SLC25A12: variants seen among roughly 807,000 people sequenced by gnomAD.
SLC25A12 encodes the protein electrogenic aspartate/glutamate antiporter SLC25A12, mitochondrial.
In SLC25A12, 32 loss-of-function variants were observed where a neutral mutation model predicts 83.3. The observed-to-expected ratio is 0.38, with a 90% CI of 0.29 to 0.52. The LOEUF is 0.52. Ranked by LOEUF, SLC25A12 falls within the 20% of genes least tolerant of loss-of-function variation. SLC25A12 has a pLI of 0.84. For missense variants in SLC25A12, 611 were observed against 835.6 expected (o/e 0.73, Z 3.31); for synonymous variants, 267 against 291.1 (o/e 0.92, Z 0.84).
At chr2:171,892,581 A>G (rs1685965930) in intron 2 of SLC25A12, among the ~76,000 whole-genome samples, 1 of 152,204 alleles carries the variant, frequency 6.6e-6, no homozygotes, top group South Asian at 2.1e-4. Context: ...ATTTAAGAAA[A>G]GAAAGCAAAA....
At chr2:171,815,310 T>G (rs1684029463) in intron 9 of SLC25A12, 108 bp from the exon 10 acceptor site, 2 of 750,120 alleles carry the variant, frequency 2.7e-6, no homozygotes, top group African/African-American at 3.5e-5. Flanking sequence ...CTAAAAGTGA[T>G]ATTGTTAATG....
chr2:171,793,688 G>A lies in SLC25A12; in HGVS notation c.1385C>T (p.Thr462Met), dbSNP rs138477378. 94 of 1,614,134 alleles carry A rather than the reference G, an allele frequency of 5.8e-5. No homozygotes were observed. The highest frequency in any genetic ancestry group is 4.9e-4 in the Middle Eastern group (3 of 6,062). ...IRLQVAGEIT[T>M]GPRVSALNVL... is the part of the protein sequence containing the mutation. ...ATTCAGGGCGCTGACTCTGGGTCCC[G>A]TGGTGATCTCTCCAGCTACTTGCAG... Residue 462 changes from threonine (T) to methionine (M), a missense_variant, in exon 14 of 18, where the codon ACG becomes ATG. Thr to Met is a moderately conservative substitution (Grantham distance 81). Transcript: ENST00000422440.
At chr2:171,866,713 G>T (rs569666323) in intron 3 of SLC25A12, among the ~76,000 whole-genome samples, 1 of 140,302 alleles carries the variant, frequency 7.1e-6, no homozygotes, top group Non-Finnish European at 1.6e-5. Context: ...AGGGGCAGCC[G>T]GGCAGAGGCG....
At chr2:171,822,384 CTATT>C (rs550238919) in intron 9 of SLC25A12, among the ~76,000 whole-genome samples, 27 of 152,068 alleles carry the variant, frequency 1.8e-4, no homozygotes, top group Admixed American at 5.2e-4. Flanking sequence ...ACTGCTATCC[CTATT>C]TATTTATTTA....
chr2:171,844,262 T>G, intron 5 of SLC25A12, 107 bp downstream of exon 5: 1 of 1,212,372 alleles, frequency 8.2e-7, no homozygotes, highest in Non-Finnish European at 1.2e-6. Flanking sequence ...AAAATAGGAG[T>G]GAAATACCAT....
At position 171,785,200 on chromosome 2, in the gene SLC25A12, G is replaced by T; in HGVS notation, c.*74C>A. ...CTCAGTCAGTACCATGCAGCTGACT[G>T]GATACATTACAGGGCTGCTCTCCTA... is the stretch of plus-strand genomic sequence containing the variant. On this transcript the variant is annotated 3_prime_UTR_variant, in exon 18 of 18. Coordinates refer to ENST00000422440, the MANE Select transcript of SLC25A12 (RefSeq NM_003705.5). The T allele has an allele frequency of 7.4e-7, 1 of 1,358,864 alleles. No homozygotes were observed. The allele number at this position is 1,358,864 out of a possible 1,614,324, so 84.2% of individuals were successfully genotyped here.
At chr2:171,805,172 G>A (rs191439414) in intron 13 of SLC25A12, among the ~76,000 whole-genome samples, 2 of 151,082 alleles carry the variant, frequency 1.3e-5, no homozygotes, top group East Asian at 2.0e-4. Context: ...GCAGTGGCAC[G>A]ATCACAGCTC....
At chr2:171,820,504 G>A (rs571429607) in intron 9 of SLC25A12, among the ~76,000 whole-genome samples, 44 of 149,226 alleles carry the variant, frequency 2.9e-4, no homozygotes, top group African/African-American at 9.5e-4. Flanking sequence ...CGAGGCGGGC[G>A]GATCACGAGG....
chr2:171,893,481 C>T (rs529464916), intron 1 of SLC25A12, among the ~76,000 whole-genome samples: 1 of 152,306 alleles, frequency 6.6e-6, no homozygotes, highest in Admixed American at 6.5e-5. Context: ...GCAAAGCTAT[C>T]GGACAGTGCT....
At chr2:171,876,546 G>GGGC (rs1685577293) in intron 2 of SLC25A12, among the ~76,000 whole-genome samples, 1 of 82,980 alleles carries the variant, frequency 1.2e-5, no homozygotes, top group Non-Finnish European at 2.4e-5. Flanking sequence ...TTTTTTTTGG[G>GGGC]GGGGGGGGGA....
chr2:171,829,152 G>A (rs982109622), intron 8 of SLC25A12, among the ~76,000 whole-genome samples: 1 of 152,144 alleles, frequency 6.6e-6, no homozygotes, highest in African/African-American at 2.4e-5. Flanking sequence ...GAAAACATCT[G>A]ATTTTTTTTA....
chr2:171,893,248 G>A lies in SLC25A12; in HGVS notation c.23C>T (p.Thr8Ile). ...TAACTCATGAGGATCCCCTCGCTTA[G>A]TTGTCTGCACCTGTAAGCAAAAAAG... is the stretch of plus-strand genomic sequence containing the variant. MAVKVQT[T>I]KRGDPHELRN... The change falls in exon 2 of 18, where the codon ACT becomes ATT. Residue 8 changes from threonine to isoleucine, a missense_variant. Around this residue, in one of 3 missense-constraint regions of SLC25A12, gnomAD observed 34 missense variants for 23.0 expected, o/e 1.48. Transcript: ENST00000422440. 6.2e-7 allele frequency: 1 copy of A among 1,613,972 alleles called. No individual in the cohort carries two copies. The highest frequency in any genetic ancestry group is 2.2e-5 in the East Asian group (1 of 44,870).
intron 15 of SLC25A12, chr2:171,788,875 T>C (rs1032221966): frequency 6.6e-5 from 10 of 152,370 alleles, no homozygotes; most frequent in African/African-American, 2.2e-4. Context: ...GACTTCTGAA[T>C]GTTCTCAGTT....
At position 171,784,705 on chromosome 2, in the gene SLC25A12, C is replaced by G; in HGVS notation, c.*569G>C. 3 of 177,362 alleles carry G rather than the reference C, an allele frequency of 1.7e-5. No homozygotes were observed. The highest frequency in any genetic ancestry group is 1.6e-4 in the Admixed American group (3 of 18,452). 11.0% of individuals were successfully genotyped at this position (177,362 alleles called of 1,614,324 possible). Reference sequence around the variant, plus strand: ...AGTATCACTTATTCAGTGGTAGCAGCACTATGTCTCGTTATGCCTTTTATC... The same window carrying G: ...AGTATCACTTATTCAGTGGTAGCAGGACTATGTCTCGTTATGCCTTTTATC... On this transcript the variant is annotated 3_prime_UTR_variant, in exon 18 of 18. Transcript: ENST00000422440.
At chr2:171,811,113 T>G (rs534628958) in intron 11 of SLC25A12, among the ~76,000 whole-genome samples, 1 of 152,228 alleles carries the variant, frequency 6.6e-6, no homozygotes, top group South Asian at 2.1e-4. Flanking sequence ...TTTTTAAAGA[T>G]GCTAACAATA....
chr2:171,792,724 G>A (rs972666667), intron 14 of SLC25A12, among the ~76,000 whole-genome samples: 1 of 152,100 alleles, frequency 6.6e-6, no homozygotes, highest in Non-Finnish European at 1.5e-5. Context: ...CAAAAAGGAT[G>A]GAAATTGGGA....
intron 3 of SLC25A12, among the ~76,000 whole-genome samples, chr2:171,859,387 G>A (rs889830051): frequency 6.6e-5 from 10 of 152,184 alleles, no homozygotes; most frequent in African/African-American, 1.9e-4. Context: ...CAAGAGGATC[G>A]CTTGAGCCCA....
chr2:171,874,854 T>A (rs945552632), intron 2 of SLC25A12, among the ~76,000 whole-genome samples: 1 of 152,034 alleles, frequency 6.6e-6, no homozygotes, highest in Non-Finnish European at 1.5e-5. Flanking sequence ...GAGAACAGGG[T>A]CTGGAGGCCA....
At chr2:171,866,241 C>T (rs1432671589) in intron 3 of SLC25A12, among the ~76,000 whole-genome samples, 1 of 144,430 alleles carries the variant, frequency 6.9e-6, no homozygotes, top group East Asian at 2.1e-4. Context: ...TCTTTCTACA[C>T]AGACACGGCA....
Sources: gnomAD v4.1 joint callset for allele counts (sites outside exome capture counted in the v4.1 genomes callset) on GRCh38, gnomAD v4.1.1 for gene constraint, gnomAD v4.1.1 regional missense constraint, MANE v1.5 for transcripts, NCBI Gene and HGNC (gene_info 2026-07-23, HGNC 2026-07-21) for gene names.